Variants in FEZ2 observed in about 807,000 individuals in gnomAD.
FEZ2 encodes the protein fasciculation and elongation protein zeta-2.
A neutral mutation model predicts 40.4 loss-of-function variants in FEZ2; 51 were observed. The ratio of observed to expected loss-of-function variants is 1.26; its 90% CI spans 1.01 to 1.59. The LOEUF is 1.59. Among genes scored for constraint, FEZ2 ranks in the 40% most tolerant of loss-of-function variants. The pLI, the probability that FEZ2 is intolerant of heterozygous loss-of-function variation, is 0.00. For missense variants in FEZ2, 640 were observed against 438.3 expected (o/e 1.46, Z -4.11); for synonymous variants, 242 against 172.0 (o/e 1.41, Z -3.18).
At chr2:36,569,371 C>A (rs1388165751) in intron 5 of FEZ2, among the ~76,000 whole-genome samples, 1 of 152,120 alleles carries the variant, frequency 6.6e-6, no homozygotes, top group Non-Finnish European at 1.5e-5. Context: ...AATAAAATTG[C>A]AGCTGAGAAA....
At chr2:36,555,392 A>G in intron 7 of FEZ2, 1 of 230,668 alleles carries the variant, frequency 4.3e-6, no homozygotes, top group East Asian at 9.4e-5. Context: ...TCTGATACCC[A>G]CATGATTATG....
At chr2:36,568,740 G>A (rs1160540159) in intron 5 of FEZ2, among the ~76,000 whole-genome samples, 1 of 151,996 alleles carries the variant, frequency 6.6e-6, no homozygotes, top group Non-Finnish European at 1.5e-5. Context: ...GGAGGAAGAG[G>A]GTATTCAATA....
intron 1 of FEZ2, among the ~76,000 whole-genome samples, chr2:36,592,396 T>C (rs971827531): frequency 6.6e-6 from 1 of 152,026 alleles, no homozygotes; most frequent in South Asian, 2.1e-4. Flanking sequence ...AGCCCAAGAA[T>C]GAAAATTTTA....
intron 2 of FEZ2, 68 bp from the exon 3 acceptor site, chr2:36,583,537 TAA>T (rs1573024573): frequency 4.9e-6 from 4 of 817,744 alleles, no homozygotes; most frequent in East Asian, 4.9e-5. Flanking sequence ...CAGCTCTGAG[TAA>T]AAGAGGCTGC....
chr2:36,597,242 T>A (rs542700990), intron 1 of FEZ2, among the ~76,000 whole-genome samples: 1 of 152,090 alleles, frequency 6.6e-6, no homozygotes, highest in Non-Finnish European at 1.5e-5. Flanking sequence ...AACGTTAGAC[T>A]TTTTTCCACC....
chr2:36,555,833 TCTTC>T (rs1667945785), intron 6 of FEZ2, 85 bp from the exon 7 acceptor site: 7 of 777,430 alleles, frequency 9.0e-6, no homozygotes, highest in Admixed American at 5.4e-5. Context: ...GTGGCCTTAA[TCTTC>T]CTTAATTATA....
rs1208404611 is a variant in FEZ2 at position 36,598,095 on chromosome 2, C to G, written c.48G>C (p.Pro16=). Reference sequence around the variant, plus strand: ...TCTCCTGGTCCAGGAGGCTCCGGGCCGGCTCCTGGAACTCATAGAAATCCT... The same window carrying G: ...TCTCCTGGTCCAGGAGGCTCCGGGCGGGCTCCTGGAACTCATAGAAATCCT... The part of the protein sequence containing the change: ...DWQDFYEFQE[P]ARSLLDQENC... The change falls in exon 1 of 8, where the codon CCG becomes CCC. Residue 16 remains proline (P), a synonymous_variant. Coordinates refer to ENST00000405912, the MANE Select transcript of FEZ2 (RefSeq NM_005102.3). 9.4e-6 allele frequency: 14 copies of G among 1,495,452 alleles called. No homozygotes were observed. Among genetic ancestry groups the G allele is most frequent in the Admixed American group, 2.1e-5 (1 of 46,770 alleles). 92.6% of individuals were successfully genotyped at this position (1,495,452 alleles called of 1,614,324 possible).
intron 1 of FEZ2, among the ~76,000 whole-genome samples, 193 bp downstream of exon 1, chr2:36,597,684 T>C (rs1669268031): frequency 6.6e-6 from 1 of 151,862 alleles, no homozygotes; most frequent in South Asian, 2.1e-4. Flanking sequence ...TCAGGGCTCG[T>C]GGCGGCGGGG....
intron 5 of FEZ2, among the ~76,000 whole-genome samples, chr2:36,567,173 C>T (rs848635): frequency 0.5 from 76,212 of 151,784 alleles, 20,786 homozygotes; most frequent in East Asian, 0.85. Context: ...TAAGCTGAGG[C>T]TGTGACACTC....
intron 5 of FEZ2, 83 bp downstream of exon 5, chr2:36,578,514 C>A: frequency 7.0e-7 from 1 of 1,427,148 alleles, no homozygotes; most frequent in South Asian, 1.4e-5. Flanking sequence ...TACAACCTGT[C>A]GCACCTGCCA....
At chr2:36,572,688 C>A (rs777783588) in intron 5 of FEZ2, among the ~76,000 whole-genome samples, 5 of 152,172 alleles carry the variant, frequency 3.3e-5, no homozygotes, top group Non-Finnish European at 7.4e-5. Context: ...GGACAGTAGT[C>A]TGCCTTGACA....
At chr2:36,559,313 C>T (rs1055876698) in intron 5 of FEZ2, 1 of 152,156 alleles carries the variant, frequency 6.6e-6, no homozygotes, top group Non-Finnish European at 1.5e-5. Flanking sequence ...TTCTTACCAT[C>T]CCACCAAAAA....
At chr2:36,596,781 T>C (rs1669237603) in intron 1 of FEZ2, among the ~76,000 whole-genome samples, 1 of 152,030 alleles carries the variant, frequency 6.6e-6, no homozygotes, top group African/African-American at 2.4e-5. Flanking sequence ...TTCCACTCAT[T>C]TTACCTTCAG....
chr2:36,570,835 T>C (rs1310560147), intron 5 of FEZ2, among the ~76,000 whole-genome samples: 1 of 152,212 alleles, frequency 6.6e-6, no homozygotes, highest in Non-Finnish European at 1.5e-5. Context: ...CCTGACTCCA[T>C]CATCTATCTA....
At chr2:36,555,819 CATT>C in intron 6 of FEZ2, 71 bp from the exon 7 acceptor site, 5 of 882,232 alleles carry the variant, frequency 5.7e-6, no homozygotes. Context: ...TAATTTCAAT[CATT>C]GTGGCCTTAA....
chr2:36,597,526 G>A (rs1669261655), intron 1 of FEZ2, among the ~76,000 whole-genome samples: 1 of 152,180 alleles, frequency 6.6e-6, no homozygotes, highest in African/African-American at 2.4e-5. Context: ...AATGCGACTT[G>A]AGTGAATGAA....
intron 1 of FEZ2, among the ~76,000 whole-genome samples, chr2:36,592,644 CAAAAAAAAAA>C (rs34717975): frequency 2.7e-5 from 2 of 74,600 alleles, no homozygotes; most frequent in African/African-American, 5.1e-5. Context: ...CACATCTCTA[CAAAAAAAAAA>C]AAAAAAAAAA....
chr2:36,555,635 C>G (rs1434393431), intron 7 of FEZ2, 48 bp downstream of exon 7: 1 of 1,048,842 alleles, frequency 9.5e-7, no homozygotes, highest in African/African-American at 1.6e-5. Flanking sequence ...TATTTACTGA[C>G]TAATCCAAAC....
chr2:36,591,366 A>C, intron 1 of FEZ2: 1 of 184,344 alleles, frequency 5.4e-6, no homozygotes, highest in Non-Finnish European at 1.1e-5. Flanking sequence ...ACCATTATTA[A>C]CCTCATTTTA....
Sources: gnomAD v4.1 joint callset for allele counts (sites outside exome capture counted in the v4.1 genomes callset) on GRCh38, gnomAD v4.1.1 for gene constraint, MANE v1.5 for transcripts, NCBI Gene and HGNC (gene_info 2026-07-23, HGNC 2026-07-21) for gene names.